The following PLXNA2 variants were observed in gnomAD, a reference collection of about 807,000 sequenced individuals.
The protein encoded by PLXNA2 is plexin A2, also known as plexin-A2.
Under a neutral mutation model 193.5 loss-of-function variants are expected in PLXNA2, and 91 were observed. The ratio of observed to expected loss-of-function variants is 0.47; its 90% CI spans 0.40 to 0.56. PLXNA2 has a LOEUF of 0.56. Among genes scored for constraint, PLXNA2 ranks in the 20% least tolerant of loss-of-function variants. The probability of loss-of-function intolerance (pLI) is 0.00; values close to 1 mark genes in which losing one functional copy is unlikely to be tolerated. For synonymous variants in PLXNA2, 997 were observed against 1,027.3 expected (o/e 0.97, Z 0.56); for missense variants, 1,995 against 2,503.2 (o/e 0.80, Z 4.33).
Position 208,142,384 on chromosome 1 carries a change from CGGA to C in PLXNA2, c.1448_1450del (p.Leu483del), listed in dbSNP as rs766716004. 1 of 1,613,976 alleles carries C rather than the reference CGGA, an allele frequency of 6.2e-7. No individual in the cohort carries two copies. The highest frequency in any genetic ancestry group is 8.5e-7 in the Non-Finnish European group (1 of 1,179,932). On this transcript the variant is annotated inframe_deletion, in exon 4 of 32. Coordinates refer to ENST00000367033, the MANE Select transcript of PLXNA2 (RefSeq NM_025179.4). Reference sequence around the variant, plus strand: ...CTGATCAATGGAGAAGGCCATGTCCCGGAGGATGGGGCTTCCGTCCTTGAGCAC... The same window carrying C: ...CTGATCAATGGAGAAGGCCATGTCCCGGATGGGGCTTCCGTCCTTGAGCAC...
At chr1:208,151,618 G>A (rs1668765371) in intron 3 of PLXNA2, among the ~76,000 whole-genome samples, 1 of 152,208 alleles carries the variant, frequency 6.6e-6, no homozygotes, top group Non-Finnish European at 1.5e-5. Flanking sequence ...CTCTTTATAA[G>A]TTTAGTTCAA....
chr1:208,092,799 A>G lies in PLXNA2; in HGVS notation c.2084T>C (p.Ile695Thr). The change falls in exon 9 of 32, where the codon ATC becomes ACC. Residue 695 changes from isoleucine to threonine, a missense_variant. By Grantham distance (89) the Ile-to-Thr change is moderately conservative. Coordinates refer to ENST00000367033, the MANE Select transcript of PLXNA2 (RefSeq NM_025179.4). ...PTTCSFQEGRINISEDCPQLV... is the reference protein window; with the variant it reads ...PTTCSFQEGRTNISEDCPQLV... ...AGCCCTTCTTACCTCTGAAATATTG[A>G]TCCGGCCCTCCTGGAAGGAGCAGGT... 1.2e-6 allele frequency: 2 copies of G among 1,612,820 alleles called. No homozygotes were observed. The highest frequency in any genetic ancestry group is 1.7e-6 in the Non-Finnish European group (2 of 1,179,086).
At chr1:208,171,771 G>A (rs1041204594) in intron 3 of PLXNA2, among the ~76,000 whole-genome samples, 3 of 152,016 alleles carry the variant, frequency 2.0e-5, no homozygotes, top group African/African-American at 4.8e-5. Flanking sequence ...TGAGAGGATC[G>A]CTTGAGCCCA....
chr1:208,163,817 T>C (rs1664224), intron 3 of PLXNA2, among the ~76,000 whole-genome samples: 146,981 of 152,264 alleles, frequency 0.97, 71,169 homozygotes, highest in East Asian at 1. Flanking sequence ...TTGTTGAGTT[T>C]GGTGTCCCCA....
intron 3 of PLXNA2, among the ~76,000 whole-genome samples, chr1:208,207,986 G>A (rs988947006): frequency 2.0e-5 from 3 of 152,244 alleles, no homozygotes; most frequent in Non-Finnish European, 4.4e-5. Flanking sequence ...CTGCTGACTG[G>A]TCTCCACAGT....
chr1:208,121,723 A>G (rs1262733066), intron 4 of PLXNA2, among the ~76,000 whole-genome samples: 1 of 152,162 alleles, frequency 6.6e-6, no homozygotes, highest in East Asian at 1.9e-4. Context: ...TAGCAGCATG[A>G]GAACAGACTA....
intron 4 of PLXNA2, among the ~76,000 whole-genome samples, chr1:208,135,040 A>G (rs2102472425): frequency 6.6e-6 from 1 of 152,204 alleles, no homozygotes; most frequent in South Asian, 2.1e-4. Flanking sequence ...AGGAAACCAC[A>G]ATTAGTTTTC....
chr1:208,210,985 C>T (rs1279304456), intron 2 of PLXNA2, among the ~76,000 whole-genome samples: 1 of 152,192 alleles, frequency 6.6e-6, no homozygotes, highest in East Asian at 1.9e-4. Flanking sequence ...TTAATATTTA[C>T]CAGCACGTCA....
intron 1 of PLXNA2, among the ~76,000 whole-genome samples, chr1:208,225,992 T>C (rs1455078177): frequency 6.6e-6 from 1 of 152,200 alleles, no homozygotes; most frequent in African/African-American, 2.4e-5. Context: ...TCAAACTTCA[T>C]GGTTCAGGAA....
chr1:208,124,893 C>T (rs201530367), intron 4 of PLXNA2, among the ~76,000 whole-genome samples: 2 of 151,776 alleles, frequency 1.3e-5, no homozygotes, highest in South Asian at 2.1e-4. Context: ...CCAGGCACGG[C>T]AGTAATGGTA....
At chr1:208,168,755 A>G in intron 3 of PLXNA2, among the ~76,000 whole-genome samples, 1 of 55,264 alleles carries the variant, frequency 1.8e-5, no homozygotes, top group Non-Finnish European at 5.1e-5. Flanking sequence ...TTTTTTTAGA[A>G]TGACAGGTAG....
In PLXNA2 at chr1:208,216,730, C is replaced by G; in HGVS notation, c.1188+5G>C. On this transcript the variant is annotated splice_donor_5th_base_variant and intron_variant, in intron 2 of 31. Coordinates refer to ENST00000367033, the MANE Select transcript of PLXNA2 (RefSeq NM_025179.4). The stretch of plus-strand genomic sequence containing the variant: ...AGGAGCAGAGCGAGGTGTGTGCCTC[C>G]TTACCGCCTTGGTGCACTGGACGTC... 1 of 1,609,068 alleles carries G rather than the reference C, an allele frequency of 6.2e-7. No homozygotes were observed. Among genetic ancestry groups the G allele is most frequent in the Non-Finnish European group, 8.5e-7 (1 of 1,178,438 alleles).
chr1:208,169,357 G>T (rs1351441912), intron 3 of PLXNA2, among the ~76,000 whole-genome samples: 1 of 152,254 alleles, frequency 6.6e-6, no homozygotes, highest in Non-Finnish European at 1.5e-5. Flanking sequence ...GGTCACACAT[G>T]ATCAGCAAGT....
intron 29 of PLXNA2, chr1:208,030,828 C>T (rs1664480311): frequency 1.0e-6 from 1 of 985,322 alleles, no homozygotes; most frequent in Admixed American, 6.1e-5. Context: ...CAGCTCTTGG[C>T]CGGGTCCTGT....
At chr1:208,225,556 T>G (rs914866168) in intron 1 of PLXNA2, among the ~76,000 whole-genome samples, 1 of 152,182 alleles carries the variant, frequency 6.6e-6, no homozygotes, top group African/African-American at 2.4e-5. Flanking sequence ...CAAGTGATCC[T>G]CTAGCCTCGG....
chr1:208,030,408 G>A (rs998708069), intron 29 of PLXNA2: 105 of 985,470 alleles, frequency 1.1e-4, no homozygotes, highest in Non-Finnish European at 1.2e-4. Flanking sequence ...CTCTCCCAGC[G>A]CTGGGCCGGG....
intron 3 of PLXNA2, among the ~76,000 whole-genome samples, chr1:208,173,677 C>A (rs1249860): frequency 0.94 from 142,532 of 152,314 alleles, 67,420 homozygotes; most frequent in East Asian, 1. Context: ...CAGCAGATCT[C>A]GTTCTGGGGC....
intron 3 of PLXNA2, among the ~76,000 whole-genome samples, chr1:208,150,032 T>C (rs948919965): frequency 1.3e-5 from 2 of 152,164 alleles, no homozygotes; most frequent in African/African-American, 2.4e-5. Context: ...GCTTGGCTAA[T>C]TGGACGGGGA....
intron 3 of PLXNA2, among the ~76,000 whole-genome samples, chr1:208,183,589 C>A (rs1426901505): frequency 9.3e-6 from 1 of 108,078 alleles, no homozygotes; most frequent in Admixed American, 1.3e-4. Context: ...AAGCCAGAGC[C>A]AGGTGCCAGA....
Sources: allele counts gnomAD v4.1 joint callset (sites outside exome capture counted in the v4.1 genomes callset), GRCh38; gene constraint gnomAD v4.1.1; transcripts MANE v1.5; gene names NCBI Gene and HGNC (gene_info 2026-07-23, HGNC 2026-07-21).